Variants in EML4 observed in about 807,000 individuals in gnomAD.
EML4 encodes the protein echinoderm microtubule-associated protein-like 4.
A neutral mutation model predicts 129.0 loss-of-function variants in EML4; 72 were observed. The observed-to-expected ratio is 0.56, with a 90% CI of 0.46 to 0.68. The LOEUF is 0.68. EML4 is among the 30% of genes least tolerant of loss of function. EML4 has a pLI of 0.00. For missense variants in EML4, 1,363 were observed against 1,190.6 expected (o/e 1.14, Z -2.13); for synonymous variants, 532 against 405.0 (o/e 1.31, Z -3.77).
intron 6 of EML4, among the ~76,000 whole-genome samples, chr2:42,267,713 A>C (rs1039534770): frequency 6.6e-6 from 1 of 152,170 alleles, no homozygotes; most frequent in Non-Finnish European, 1.5e-5. Flanking sequence ...GCAATCTCTG[A>C]GGTTAGGTGT....
Position 42,189,703 on chromosome 2 carries a change from G to A in EML4, c.25+20067G>A, listed in dbSNP as rs550548521. Among the ~76,000 whole-genome samples the A allele has an allele frequency of 5.9e-5, 9 of 152,288 alleles. No individual in the cohort carries two copies. The South Asian group carries it at 1.9e-3, about 32-fold the overall frequency. On this transcript the variant is annotated intron_variant, in intron 1 of 22. Transcript: ENST00000318522. ...AGAGGAAACTATAAGGTTTAAGAGG[G>A]CTGGTTTGATATCATACAGTTAGTG... is the stretch of plus-strand genomic sequence containing the variant.
chr2:42,234,226 A>T (rs977164872), intron 1 of EML4, among the ~76,000 whole-genome samples: 2 of 152,242 alleles, frequency 1.3e-5, no homozygotes, highest in African/African-American at 2.4e-5. Context: ...ATTTTTGCCA[A>T]CATAGAAGTA....
chr2:42,198,816 T>C (rs1368084214), intron 1 of EML4, among the ~76,000 whole-genome samples: 1 of 152,182 alleles, frequency 6.6e-6, no homozygotes, highest in Non-Finnish European at 1.5e-5. Flanking sequence ...GTGGTTTCTG[T>C]TGTGTGTATG....
At chr2:42,310,358 T>C (rs1354819483) in intron 17 of EML4, among the ~76,000 whole-genome samples, 2 of 151,582 alleles carry the variant, frequency 1.3e-5, no homozygotes, top group East Asian at 1.9e-4. Context: ...CCTTCCCTTT[T>C]CCCTTTTGCA....
chr2:42,258,019 T>C (rs1379492370), intron 3 of EML4, among the ~76,000 whole-genome samples: 1 of 152,236 alleles, frequency 6.6e-6, no homozygotes, highest in Admixed American at 6.5e-5. Flanking sequence ...CCGTGTTGTA[T>C]CCAGTAGTGG....
chr2:42,263,803 C>T lies in EML4; in HGVS notation c.641+497C>T, dbSNP rs139922514. Among the ~76,000 whole-genome samples the T allele has an allele frequency of 3.4e-3, 514 of 151,876 alleles. 9 individuals carry two copies. In the East Asian group the frequency reaches 0.041, roughly 12 times the overall value. Reference sequence around the variant, plus strand: ...GGAGTGCAGTGGCACAATCTTGGCTCACTGCAACCTCCGCCTCCCAGGTGC... The same window carrying T: ...GGAGTGCAGTGGCACAATCTTGGCTTACTGCAACCTCCGCCTCCCAGGTGC... On this transcript the variant is annotated intron_variant, in intron 5 of 22. Coordinates refer to ENST00000318522, the MANE Select transcript of EML4 (RefSeq NM_019063.5).
Position 42,244,732 on chromosome 2 carries a change from G to T in EML4, c.26-773G>T, listed in dbSNP as rs550384207. 4.6e-5 allele frequency among the ~76,000 whole-genome samples: 7 copies of T among 152,204 alleles called. No homozygotes were observed. In the South Asian group the frequency reaches 1.5e-3, roughly 32 times the overall value. ...TAAAGATGCTTCCTCATCATTGTTG[G>T]TTAAGGTGATAGACTCCCTATCTGA... On this transcript the variant is annotated intron_variant, in intron 1 of 22. Transcript: ENST00000318522.
At chr2:42,261,359 G>A in intron 4 of EML4, 65 bp downstream of exon 4, 1 of 1,395,730 alleles carries the variant, frequency 7.2e-7, no homozygotes, top group Non-Finnish European at 9.6e-7. Flanking sequence ...TCTGTGACTT[G>A]GGAAAAAGTT....
rs1558553017 is a variant in EML4, at chr2:42,263,161, A to G, written c.513-17A>G. The G allele has an allele frequency of 1.3e-6, 2 of 1,597,174 alleles. No homozygotes were observed. Among genetic ancestry groups the G allele is most frequent in the South Asian group, 1.1e-5 (1 of 87,708 alleles). ...GATACTCAGAATTTTTCTCTAAGAA[A>G]TTAATGTTCCTTCTAGCATAAAACG... On this transcript the variant is annotated splice_polypyrimidine_tract_variant and intron_variant, in intron 4 of 22. Coordinates refer to ENST00000318522, the MANE Select transcript of EML4 (RefSeq NM_019063.5).
intron 6 of EML4, among the ~76,000 whole-genome samples, chr2:42,280,105 T>C (rs1666922999): frequency 6.6e-6 from 1 of 152,204 alleles, no homozygotes; most frequent in Admixed American, 6.5e-5. Context: ...AGTTATGCCG[T>C]TTAACATCTG....
intron 2 of EML4, among the ~76,000 whole-genome samples, chr2:42,246,997 C>A (rs778567778): frequency 6.6e-6 from 1 of 152,200 alleles, no homozygotes; most frequent in Non-Finnish European, 1.5e-5. Flanking sequence ...AATATAGCCA[C>A]TCTCAAAAAA....
At chr2:42,274,834 A>G (rs577229944) in intron 6 of EML4, among the ~76,000 whole-genome samples, 2 of 152,310 alleles carry the variant, frequency 1.3e-5, no homozygotes, top group African/African-American at 2.4e-5. Flanking sequence ...AAGGGCAAGC[A>G]TTAGGAGGAA....
chr2:42,173,166 T>G (rs935056300), intron 1 of EML4, among the ~76,000 whole-genome samples: 7 of 152,210 alleles, frequency 4.6e-5, no homozygotes, highest in African/African-American at 1.7e-4. Flanking sequence ...TAACATCACA[T>G]TGTTAGAACT....
intron 2 of EML4, among the ~76,000 whole-genome samples, chr2:42,255,278 G>A (rs1028503544): frequency 6.6e-6 from 1 of 152,008 alleles, no homozygotes; most frequent in African/African-American, 2.4e-5. Flanking sequence ...GTAGATACAG[G>A]GTTTCAGCAT....
At chr2:42,226,968 C>A (rs1323877868) in intron 1 of EML4, among the ~76,000 whole-genome samples, 3 of 152,114 alleles carry the variant, frequency 2.0e-5, no homozygotes, top group Non-Finnish European at 4.4e-5. Context: ...GTAGCAGTAT[C>A]CCACAAAATT....
chr2:42,310,294 C>T (rs1668860827), intron 17 of EML4, among the ~76,000 whole-genome samples: 1 of 151,768 alleles, frequency 6.6e-6, no homozygotes, highest in South Asian at 2.1e-4. Context: ...TTTCCCTTCC[C>T]ATTCCCCTTT....
rs549887200 is a variant in EML4 at position 42,303,857 on chromosome 2, G to A, written c.1899+411G>A. On this transcript the variant is annotated intron_variant, in intron 16 of 22. Transcript: ENST00000318522. Reference sequence around the variant, plus strand: ...GGAGAATGGCATGAACCCGGGAGGCGGAGCTTGCAGTGAGCCGAGATCGTG... The same window carrying A: ...GGAGAATGGCATGAACCCGGGAGGCAGAGCTTGCAGTGAGCCGAGATCGTG... Among the ~76,000 whole-genome samples the A allele has an allele frequency of 9.9e-5, 15 of 152,268 alleles. No individual in the cohort carries two copies. The East Asian group carries it at 1.9e-3, about 20-fold the overall frequency.
rs567313900 is a variant in EML4, at chr2:42,295,857, C to T, written c.1489+341C>T. 1.6e-3 allele frequency among the ~76,000 whole-genome samples: 237 copies of T among 152,262 alleles called. 1 individual carries two copies. The highest frequency in any genetic ancestry group is 5.5e-3 in the African/African-American group (229 of 41,550). ...ATATCTGTTAGAGCAGAATGCATGG[C>T]CATGTGATAAAATGGAAGAGTGGAG... On this transcript the variant is annotated intron_variant, in intron 13 of 22. Transcript: ENST00000318522.
intron 1 of EML4, among the ~76,000 whole-genome samples, chr2:42,181,496 C>T (rs2103842345): frequency 6.6e-6 from 1 of 152,166 alleles, no homozygotes; most frequent in Middle Eastern, 3.4e-3. Flanking sequence ...GATGGGGTTT[C>T]ACCATGTTGG....
Sources: allele counts gnomAD v4.1 joint callset (sites outside exome capture counted in the v4.1 genomes callset), GRCh38; gene constraint gnomAD v4.1.1; transcripts MANE v1.5; gene names NCBI Gene and HGNC (gene_info 2026-07-23, HGNC 2026-07-21).